Variants in ATP8B4 observed in about 807,000 individuals in gnomAD.
ATP8B4 encodes ATPase phospholipid transporting 8B4 (putative).
A neutral mutation model predicts 145.6 loss-of-function variants in ATP8B4; 133 were observed. The observed-to-expected ratio is 0.91, with a 90% CI of 0.79 to 1.05. ATP8B4 has a LOEUF of 1.05. Among genes scored for constraint, ATP8B4 ranks in the 50% least tolerant of loss-of-function variants. The pLI, the probability that ATP8B4 is intolerant of heterozygous loss-of-function variation, is 0.00. For synonymous variants in ATP8B4, 507 were observed against 492.9 expected, an observed-to-expected ratio of 1.03 and a Z score of -0.38; for missense variants, 1,458 against 1,425.2, an observed-to-expected ratio of 1.02 and a Z score of -0.37.
rs58363112 is a variant in ATP8B4, at chr15:50,029,238, TA to T, written c.362+9529del. Among the ~76,000 whole-genome samples the T allele has an allele frequency of 1.0e-3, 77 of 76,624 alleles. 1 individual carries two copies. The highest frequency in any genetic ancestry group is 1.1e-3 in the Non-Finnish European group (49 of 42,974). 50.3% of individuals were successfully genotyped at this position (76,624 alleles called of 152,430 possible). A position where few individuals can be genotyped will look rare whatever the true frequency, so the allele number is the denominator to read the frequency against. On this transcript the variant is annotated intron_variant, in intron 6 of 27. Coordinates refer to ENST00000284509, the MANE Select transcript of ATP8B4 (RefSeq NM_024837.4). The stretch of plus-strand genomic sequence containing the variant: ...CTGGCAACAGAGCAAGACTCCATCT[TA>T]AAAAAAAAAAAAAAAAAACAGAAAA...
chr15:50,102,589 G>A (rs1157018218), intron 2 of ATP8B4, among the ~76,000 whole-genome samples: 2 of 151,974 alleles, frequency 1.3e-5, no homozygotes, highest in Non-Finnish European at 1.5e-5. Context: ...CAGTGAGATT[G>A]AAATGGTAAT....
At chr15:49,916,270 C>T (rs1227024349) in intron 20 of ATP8B4, among the ~76,000 whole-genome samples, 1 of 152,106 alleles carries the variant, frequency 6.6e-6, no homozygotes, top group Non-Finnish European at 1.5e-5. Flanking sequence ...ATCTCTCAAA[C>T]TTTAATGTCT....
At chr15:49,887,661 C>T (rs1307646454) in intron 23 of ATP8B4, among the ~76,000 whole-genome samples, 1 of 148,466 alleles carries the variant, frequency 6.7e-6, no homozygotes, top group African/African-American at 2.5e-5. Flanking sequence ...CTTCACAGAT[C>T]AGAAAAAAAA....
chr15:50,077,855 C>T lies in ATP8B4; in HGVS notation c.29-3670G>A, dbSNP rs950681895. Among the ~76,000 whole-genome samples the T allele has an allele frequency of 3.3e-5, 5 of 152,118 alleles. No homozygotes were observed. In the East Asian group the frequency reaches 9.7e-4, roughly 29 times the overall value. On this transcript the variant is annotated intron_variant, in intron 2 of 27. Coordinates refer to ENST00000284509, the MANE Select transcript of ATP8B4 (RefSeq NM_024837.4). ...TAGCCAACTTGGCCCCTAGTAAAGC[C>T]TGCCTGACTGGGGCCATTGTGGGAT...
At chr15:50,088,989 A>T (rs1239041071) in intron 2 of ATP8B4, among the ~76,000 whole-genome samples, 1 of 152,134 alleles carries the variant, frequency 6.6e-6, no homozygotes, top group Admixed American at 6.6e-5. Flanking sequence ...TACCAGTACC[A>T]TGCTGTTTTG....
chr15:50,101,133 A>T (rs1404949736), intron 2 of ATP8B4, among the ~76,000 whole-genome samples: 1 of 152,216 alleles, frequency 6.6e-6, no homozygotes, highest in African/African-American at 2.4e-5. Flanking sequence ...ATACTGTACC[A>T]AAAATTAAAA....
At chr15:49,883,756 A>G (rs2153412181) in intron 23 of ATP8B4, among the ~76,000 whole-genome samples, 1 of 152,278 alleles carries the variant, frequency 6.6e-6, no homozygotes, top group African/African-American at 2.4e-5. Context: ...ATAAATACAT[A>G]TACCTACTAT....
At chr15:49,884,361 G>A (rs1173936993) in intron 23 of ATP8B4, among the ~76,000 whole-genome samples, 1 of 152,018 alleles carries the variant, frequency 6.6e-6, no homozygotes, top group Non-Finnish European at 1.5e-5. Flanking sequence ...CAACACTTTG[G>A]GGGTCGAGGC....
At chr15:49,922,366 T>G (rs974918064) in intron 17 of ATP8B4, 7 of 445,136 alleles carry the variant, frequency 1.6e-5, no homozygotes, top group African/African-American at 1.2e-4. Flanking sequence ...ATTCCAGTGT[T>G]GTGTTCATTA....
intron 23 of ATP8B4, chr15:49,894,743 G>T (rs1340278147): frequency 6.6e-6 from 1 of 152,272 alleles, no homozygotes; most frequent in African/African-American, 2.4e-5. Flanking sequence ...AGCCTGCAGG[G>T]ATGGCCCCTG....
intron 20 of ATP8B4, among the ~76,000 whole-genome samples, chr15:49,909,793 G>A (rs796406696): frequency 1.4e-5 from 2 of 139,442 alleles, no homozygotes; most frequent in South Asian, 4.7e-4. Context: ...CACACATCCA[G>A]AATCAAAGCC....
chr15:50,153,948 A>G (rs2044381285), intron 1 of ATP8B4, among the ~76,000 whole-genome samples: 1 of 152,180 alleles, frequency 6.6e-6, no homozygotes, highest in South Asian at 2.1e-4. Flanking sequence ...ACTTTAAAAA[A>G]CCTTGTTGTT....
At chr15:49,944,853 T>G (rs1484023415) in intron 14 of ATP8B4, among the ~76,000 whole-genome samples, 1 of 152,166 alleles carries the variant, frequency 6.6e-6, no homozygotes, top group Non-Finnish European at 1.5e-5. Context: ...ATTAAGATTA[T>G]GTCAAATATA....
intron 26 of ATP8B4, among the ~76,000 whole-genome samples, chr15:49,865,698 G>C (rs934956867): frequency 4.6e-5 from 7 of 152,228 alleles, no homozygotes; most frequent in African/African-American, 1.7e-4. Context: ...GGTCACAGAA[G>C]TCTTCTGTGT....
At chr15:50,049,640 G>T (rs969254419) in intron 3 of ATP8B4, among the ~76,000 whole-genome samples, 3 of 152,138 alleles carry the variant, frequency 2.0e-5, no homozygotes, top group African/African-American at 4.8e-5. Context: ...ATGGTAGAAC[G>T]ATTTATTTTC....
intron 3 of ATP8B4, among the ~76,000 whole-genome samples, chr15:50,068,393 A>G (rs1350318487): frequency 6.6e-6 from 1 of 152,214 alleles, no homozygotes; most frequent in Non-Finnish European, 1.5e-5. Context: ...GGGAGCAGCA[A>G]ATAGATTTCA....
intron 1 of ATP8B4, among the ~76,000 whole-genome samples, chr15:50,142,677 G>C (rs548347779): frequency 1.3e-5 from 2 of 152,292 alleles, no homozygotes; most frequent in Non-Finnish European, 2.9e-5. Flanking sequence ...AATGAAAAGA[G>C]GCTGATGTCC....
chr15:49,894,080 A>G (rs941049877), intron 23 of ATP8B4, among the ~76,000 whole-genome samples: 5 of 152,190 alleles, frequency 3.3e-5, no homozygotes, highest in East Asian at 1.9e-4. Flanking sequence ...AGCAATTACT[A>G]CTTGTCACTC....
intron 6 of ATP8B4, among the ~76,000 whole-genome samples, chr15:50,025,273 G>A (rs1257507403): frequency 1.3e-5 from 2 of 152,150 alleles, no homozygotes; most frequent in African/African-American, 4.8e-5. Context: ...ATTTTCCAAA[G>A]ACAAACCCTT....
Sources: allele counts gnomAD v4.1 joint callset (sites outside exome capture counted in the v4.1 genomes callset), GRCh38; gene constraint gnomAD v4.1.1; transcripts MANE v1.5; gene names NCBI Gene and HGNC (gene_info 2026-07-23, HGNC 2026-07-21).